HEMK2: variants seen among roughly 807,000 people sequenced by gnomAD.
HEMK2 encodes the protein methyltransferase HEMK2.
chr21:28,849,695 C>T, the HEMK2 span, among the ~76,000 whole-genome samples: 3 of 152,136 alleles, frequency 2.0e-5, no homozygotes, highest in Non-Finnish European at 4.4e-5. Context: ...TCTGATACAG[C>T]TGAAAAACTC....
chr21:28,635,963 T>C, the HEMK2 span, among the ~76,000 whole-genome samples: 4 of 152,154 alleles, frequency 2.6e-5, no homozygotes, highest in African/African-American at 9.7e-5. Context: ...AGGTGGCTGG[T>C]GGCTATTGGA....
At chr21:28,863,401 A>C in the HEMK2 span, among the ~76,000 whole-genome samples, 1 of 108,226 alleles carries the variant, frequency 9.2e-6, no homozygotes, top group Admixed American at 1.2e-4. Flanking sequence ...ATACTTAATA[A>C]ACTCCCTTTT....
At chr21:28,792,548 G>A in the HEMK2 span, among the ~76,000 whole-genome samples, 1 of 152,158 alleles carries the variant, frequency 6.6e-6, no homozygotes, top group African/African-American at 2.4e-5. Context: ...GTAAGAAACA[G>A]AGTCCCATGG....
chr21:28,704,110 T>G, the HEMK2 span, among the ~76,000 whole-genome samples: 84,588 of 152,006 alleles, frequency 0.56, 26,198 homozygotes, highest in East Asian at 0.84. Context: ...AACAGTAGCT[T>G]GGAGGTCATG....
At chr21:28,841,026 AATATT>A in the HEMK2 span, among the ~76,000 whole-genome samples, 2 of 109,772 alleles carry the variant, frequency 1.8e-5, no homozygotes, top group Non-Finnish European at 3.5e-5. Flanking sequence ...TATATAAATA[AATATT>A]ATATATTATA....
At chr21:28,726,578 T>A in the HEMK2 span, among the ~76,000 whole-genome samples, 1 of 152,166 alleles carries the variant, frequency 6.6e-6, no homozygotes, top group African/African-American at 2.4e-5. Flanking sequence ...TTTTTTAGAG[T>A]TACATCCTAA....
chr21:28,796,399 C>G, the HEMK2 span, among the ~76,000 whole-genome samples: 1 of 152,206 alleles, frequency 6.6e-6, no homozygotes, highest in African/African-American at 2.4e-5. Context: ...CTCAGCCTCC[C>G]AAAGCGCTGG....
At chr21:28,590,732 G>C in the HEMK2 span, among the ~76,000 whole-genome samples, 2 of 152,206 alleles carry the variant, frequency 1.3e-5, no homozygotes, top group African/African-American at 2.4e-5. Flanking sequence ...TCTGGCACCA[G>C]AACAAGTGCT....
At chr21:28,584,983 A>C in the HEMK2 span, among the ~76,000 whole-genome samples, 1 of 152,202 alleles carries the variant, frequency 6.6e-6, no homozygotes, top group African/African-American at 2.4e-5. Flanking sequence ...AAACAAAGAC[A>C]ATTCCTTTCT....
chr21:28,708,684 G>C, the HEMK2 span, among the ~76,000 whole-genome samples: 3 of 152,140 alleles, frequency 2.0e-5, no homozygotes, highest in Non-Finnish European at 4.4e-5. Context: ...TAGCAAAAAA[G>C]GGTGTTAAAA....
At chr21:28,667,300 T>C in the HEMK2 span, among the ~76,000 whole-genome samples, 1 of 152,144 alleles carries the variant, frequency 6.6e-6, no homozygotes, top group Non-Finnish European at 1.5e-5. Context: ...AAGTATATAA[T>C]CCACCATCAG....
the HEMK2 span, among the ~76,000 whole-genome samples, chr21:28,593,597 T>C: frequency 6.6e-6 from 1 of 152,144 alleles, no homozygotes; most frequent in Non-Finnish European, 1.5e-5. Flanking sequence ...CTGGAGCACT[T>C]TGTAGTGCCA....
At chr21:28,635,729 C>G in the HEMK2 span, among the ~76,000 whole-genome samples, 1 of 152,102 alleles carries the variant, frequency 6.6e-6, no homozygotes, top group African/African-American at 2.4e-5. Flanking sequence ...CACTCCATTA[C>G]TAAGTTGCAG....
the HEMK2 span, chr21:28,878,405 C>A: frequency 4.5e-6 from 7 of 1,545,014 alleles, no homozygotes; most frequent in Admixed American, 1.2e-4. Context: ...ATCTTTTTGA[C>A]AAGTAATATC....
the HEMK2 span, among the ~76,000 whole-genome samples, chr21:28,862,057 A>T: frequency 1.3e-5 from 2 of 152,320 alleles, no homozygotes; most frequent in African/African-American, 4.8e-5. Flanking sequence ...AGGGAGTTAC[A>T]GTGTTGGTTG....
the HEMK2 span, among the ~76,000 whole-genome samples, chr21:28,661,420 T>A: frequency 6.6e-6 from 1 of 152,120 alleles, no homozygotes; most frequent in Non-Finnish European, 1.5e-5. Flanking sequence ...TATCATTAAT[T>A]TTTAAATATA....
chr21:28,836,293 C>A, the HEMK2 span, among the ~76,000 whole-genome samples: 1 of 152,316 alleles, frequency 6.6e-6, no homozygotes, highest in South Asian at 2.1e-4. Context: ...GATTTCTCAA[C>A]AGAAACCCTA....
At chr21:28,845,737 T>C in the HEMK2 span, among the ~76,000 whole-genome samples, 1 of 152,128 alleles carries the variant, frequency 6.6e-6, no homozygotes, top group Non-Finnish European at 1.5e-5. Context: ...AGAGATAAAC[T>C]AATGCTTTTT....
the HEMK2 span, among the ~76,000 whole-genome samples, chr21:28,727,249 T>A: frequency 6.6e-6 from 1 of 152,218 alleles, no homozygotes; most frequent in Admixed American, 6.5e-5. Flanking sequence ...GGGAAGGAGA[T>A]GCATCCCCAG....
Sources: allele counts gnomAD v4.1 joint callset (sites outside exome capture counted in the v4.1 genomes callset), GRCh38; gene constraint gnomAD v4.1.1; transcripts MANE v1.5; gene names NCBI Gene and HGNC (gene_info 2026-07-23, HGNC 2026-07-21).